ADAM9: variants seen among roughly 807,000 people sequenced by gnomAD.
ADAM9 encodes the protein ADAM metallopeptidase domain 9, also known as disintegrin and metalloproteinase domain-containing protein 9.
A neutral mutation model predicts 108.1 loss-of-function variants in ADAM9; 54 were observed. That is an observed-to-expected ratio of 0.50 (90% CI 0.40 to 0.63). The LOEUF is 0.63. ADAM9 is among the 20% of genes least tolerant of loss of function. The pLI is 0.00. For missense variants in ADAM9, 830 were observed against 997.7 expected (o/e 0.83, Z 2.26); for synonymous variants, 316 against 336.0 (o/e 0.94, Z 0.65).
At chr8:38,998,125 A>C (rs959079597) in intron 1 of ADAM9, among the ~76,000 whole-genome samples, 2 of 152,262 alleles carry the variant, frequency 1.3e-5, no homozygotes, top group African/African-American at 4.8e-5. Context: ...ATTGATTGAA[A>C]GTTATTCAAA....
At chr8:39,042,529 C>T (rs2129436384) in intron 12 of ADAM9, among the ~76,000 whole-genome samples, 1 of 152,096 alleles carries the variant, frequency 6.6e-6, no homozygotes, top group East Asian at 1.9e-4. Context: ...CCTCCAGCGT[C>T]CTTCAGTATT....
intron 1 of ADAM9, 126 bp downstream of exon 1, chr8:38,997,286 C>T: frequency 1.7e-6 from 2 of 1,147,678 alleles, no homozygotes; most frequent in South Asian, 1.4e-5. Context: ...TCGGGGGGCG[C>T]GGCCGCTCCA....
At position 38,997,164 on chromosome 8, in the gene ADAM9, G is replaced by T. The variant is rs775579747; in HGVS notation, c.97+4G>T. ...GTCCTCGGTGCGGCGCGGCCAGGTG[G>T]GTGTCCGCGCCCCGGGTCGGTTGGG... On this transcript the variant is annotated splice_donor_region_variant and intron_variant, in intron 1 of 21. Coordinates refer to ENST00000487273, the MANE Select transcript of ADAM9 (RefSeq NM_003816.3). 94 of 1,597,026 alleles carry T rather than the reference G, an allele frequency of 5.9e-5. No homozygotes were observed. Among genetic ancestry groups the T allele is most frequent in the Non-Finnish European group, 7.2e-5 (85 of 1,178,138 alleles).
At chr8:39,085,223 C>G (rs1325617447) in intron 18 of ADAM9, among the ~76,000 whole-genome samples, 1 of 152,118 alleles carries the variant, frequency 6.6e-6, no homozygotes, top group Non-Finnish European at 1.5e-5. Context: ...TATTTTCCAT[C>G]AGTCTCCTTG....
chr8:39,019,249 G>A (rs553937288), intron 7 of ADAM9, among the ~76,000 whole-genome samples: 12 of 152,206 alleles, frequency 7.9e-5, no homozygotes, highest in African/African-American at 2.9e-4. Context: ...ATGGGCTGTG[G>A]CTCTAAAAGG....
intron 11 of ADAM9, among the ~76,000 whole-genome samples, chr8:39,031,881 G>A (rs992200530): frequency 4.6e-5 from 7 of 152,208 alleles, no homozygotes; most frequent in African/African-American, 1.7e-4. Flanking sequence ...CTTTCTGTTT[G>A]TTGGTTTTCC....
Position 39,009,942 on chromosome 8 carries a change from A to AC in ADAM9, c.196-1716_196-1715insC, listed in dbSNP as rs1253197921. 4.2e-3 allele frequency among the ~76,000 whole-genome samples: 521 copies of AC among 124,106 alleles called. 9 individuals carry two copies. The highest frequency in any genetic ancestry group is 0.016 in the African/African-American group (500 of 31,486). The allele number at this position is 124,106 out of a possible 152,430, so 81.4% of individuals were successfully genotyped here. A position where few individuals can be genotyped will look rare whatever the true frequency, so the allele number is the denominator to read the frequency against. On this transcript the variant is annotated intron_variant, in intron 2 of 21. Transcript: ENST00000487273. ...AGAGAGAGAGAGAGAGACAAAAACA[A>AC]AAACAACAACAACAAAAACAAACCC... is the stretch of plus-strand genomic sequence containing the variant.
At chr8:39,042,542 A>G (rs980351998) in intron 12 of ADAM9, among the ~76,000 whole-genome samples, 4 of 152,134 alleles carry the variant, frequency 2.6e-5, no homozygotes, top group Non-Finnish European at 4.4e-5. Flanking sequence ...TCAGTATTCA[A>G]AGTTCTTGCT....
intron 6 of ADAM9, 91 bp from the exon 7 acceptor site, chr8:39,018,762 T>C (rs1776713444): frequency 9.0e-7 from 1 of 1,113,928 alleles, no homozygotes; most frequent in South Asian, 1.2e-5. Flanking sequence ...TATGATGTTC[T>C]TAGCAGACAT....
At chr8:39,045,281 TATATGTGTGTGTACACCTATAC>T (rs1326466661) in intron 12 of ADAM9, among the ~76,000 whole-genome samples, 2 of 136,860 alleles carry the variant, frequency 1.5e-5, no homozygotes, top group African/African-American at 6.0e-5. Context: ...CATACATATG[TATATGTGTGTGTACACCTATAC>T]ATGTGTGTGT....
At chr8:39,045,398 A>ACG (rs1837702555) in intron 12 of ADAM9, among the ~76,000 whole-genome samples, 2 of 147,622 alleles carry the variant, frequency 1.4e-5, no homozygotes, top group African/African-American at 5.1e-5. Context: ...GTGTGTACAC[A>ACG]CACCTATATG....
In ADAM9 at chr8:39,067,494, A is replaced by G. The variant is rs552963929; in HGVS notation, c.1592-3804A>G. Among the ~76,000 whole-genome samples the G allele has an allele frequency of 2.1e-3, 326 of 152,098 alleles. 8 individuals are homozygous for G. Among genetic ancestry groups the G allele is most frequent in the Admixed American group, 0.014 (219 of 15,284 alleles). On this transcript the variant is annotated intron_variant, in intron 14 of 21. Coordinates refer to ENST00000487273, the MANE Select transcript of ADAM9 (RefSeq NM_003816.3). ...TCCCTTGTAAGTTGGATTCCTAGGT[A>G]TTTTATTCTCTTTTTAGCAATTGTG... is the stretch of plus-strand genomic sequence containing the variant.
At chr8:39,054,383 T>G (rs962379692) in intron 12 of ADAM9, 98 bp from the exon 13 acceptor site, 2 of 1,065,870 alleles carry the variant, frequency 1.9e-6, no homozygotes, top group Non-Finnish European at 2.8e-6. Context: ...ACAATCATGT[T>G]AGAATGAAGT....
intron 15 of ADAM9, among the ~76,000 whole-genome samples, chr8:39,071,709 C>T (rs780168076): frequency 1.3e-5 from 2 of 152,196 alleles, no homozygotes; most frequent in African/African-American, 2.4e-5. Context: ...TCGTGATCCG[C>T]TCGCCTCAGC....
At chr8:39,090,005 G>A in intron 18 of ADAM9, 42 bp from the exon 19 acceptor site, 5 of 1,601,164 alleles carry the variant, frequency 3.1e-6, no homozygotes, top group African/African-American at 2.7e-5. Flanking sequence ...TTTCTGCCTA[G>A]TATGAGTTTG....
chr8:38,998,638 G>C lies in ADAM9; in HGVS notation c.97+1478G>C, dbSNP rs1324242109. ...CAGAAGGTGACCAAATATGCTAAGC[G>C]CATCTGAGAGATGTTGGGGAAGATT... is the stretch of plus-strand genomic sequence containing the variant. On this transcript the variant is annotated intron_variant, in intron 1 of 21. Coordinates refer to ENST00000487273, the MANE Select transcript of ADAM9 (RefSeq NM_003816.3). 2.6e-5 allele frequency among the ~76,000 whole-genome samples: 4 copies of C among 152,148 alleles called. No individual in the cohort carries two copies. In the East Asian group the frequency reaches 7.7e-4, roughly 29 times the overall value.
intron 16 of ADAM9, among the ~76,000 whole-genome samples, chr8:39,081,763 T>A (rs1487681898): frequency 6.6e-6 from 1 of 152,202 alleles, no homozygotes; most frequent in Non-Finnish European, 1.5e-5. Context: ...TCTCTAATTG[T>A]TCTTTATTTC....
intron 1 of ADAM9, among the ~76,000 whole-genome samples, chr8:38,998,098 G>A (rs1835881036): frequency 6.6e-6 from 1 of 152,210 alleles, no homozygotes; most frequent in Non-Finnish European, 1.5e-5. Context: ...ATGGAGAATG[G>A]GAGTTTTTAC....
intron 11 of ADAM9, among the ~76,000 whole-genome samples, chr8:39,035,126 T>A (rs1837228264): frequency 6.6e-6 from 1 of 152,206 alleles, no homozygotes; most frequent in Non-Finnish European, 1.5e-5. Context: ...TTTTTAAATA[T>A]GTTTCCTATC....
Sources: gnomAD v4.1 joint callset for allele counts (sites outside exome capture counted in the v4.1 genomes callset) on GRCh38, gnomAD v4.1.1 for gene constraint, MANE v1.5 for transcripts, NCBI Gene and HGNC (gene_info 2026-07-23, HGNC 2026-07-21) for gene names.